ZNF75D: variants seen among roughly 807,000 people sequenced by gnomAD.
The protein encoded by ZNF75D is zinc finger protein 75D.
In ZNF75D, 33 loss-of-function variants were observed where a neutral mutation model predicts 33.3. The ratio of observed to expected loss-of-function variants is 0.99; its 90% CI spans 0.75 to 1.32. ZNF75D has a LOEUF of 1.32. Ranked by LOEUF, ZNF75D falls within the 40% of genes most tolerant of loss-of-function variation. The pLI is 0.00. For synonymous variants in ZNF75D, 113 were observed against 130.6 expected (o/e 0.87, Z 0.92); for missense variants, 338 against 367.5 (o/e 0.92, Z 0.66).
intron 1 of ZNF75D, chrX:135,296,904 G>A: frequency 8.9e-6 from 1 of 112,131 alleles, no homozygotes; most frequent in Admixed American, 9.4e-5. Flanking sequence ...ACTACATTAT[G>A]CTTTCCCTGG....
At chrX:135,326,525 C>T (rs1556437842) in intron 1 of ZNF75D, among the ~76,000 whole-genome samples, 1 of 112,029 alleles carries the variant, frequency 8.9e-6, no homozygotes, top group African/African-American at 3.2e-5. Context: ...GTGGGTGGGG[C>T]CAGATAAGAG....
chrX:135,317,080 G>C (rs1369816907), intron 1 of ZNF75D, among the ~76,000 whole-genome samples: 5 of 111,414 alleles, frequency 4.5e-5, no homozygotes, highest in Non-Finnish European at 9.4e-5. Flanking sequence ...CCTATCTGGT[G>C]TATCAGTCAC....
intron 1 of ZNF75D, among the ~76,000 whole-genome samples, chrX:135,337,864 C>T (rs1235319130): frequency 3.6e-5 from 4 of 110,734 alleles, no homozygotes; most frequent in Non-Finnish European, 7.6e-5. Flanking sequence ...GCAAAGGAGG[C>T]AGGGAAGGGT....
downstream of ZNF75D, among the ~76,000 whole-genome samples, chrX:135,282,651 T>G (rs1380439594): frequency 1.8e-5 from 2 of 111,740 alleles, no homozygotes; most frequent in African/African-American, 6.5e-5. Context: ...GTCTGTGGGT[T>G]GTGAATACCA....
chrX:135,265,392 T>G (rs782291413), intron 1 of ZNF75D, among the ~76,000 whole-genome samples: 2 of 110,966 alleles, frequency 1.8e-5, no homozygotes, highest in East Asian at 5.7e-4. Context: ...TAAAGAAGAC[T>G]ACCTCAAAGC....
intron 1 of ZNF75D, among the ~76,000 whole-genome samples, chrX:135,330,166 G>A (rs782427100): frequency 2.9e-4 from 33 of 112,041 alleles, no homozygotes; most frequent in Non-Finnish European, 4.9e-4. Flanking sequence ...ATGACAGAAT[G>A]AAAGAAATAG....
Position 135,342,067 on chromosome X carries a change from A to G in ZNF75D, c.-690T>C, listed in dbSNP as rs1556445021. The G allele has an allele frequency of 1.8e-5, 2 of 112,291 alleles. No homozygotes were observed. The highest frequency in any genetic ancestry group is 6.5e-5 in the African/African-American group (2 of 30,851). The allele number at this position is 112,291 out of a possible 1,213,427, so 9.3% of individuals were successfully genotyped here. On this transcript the variant is annotated 5_prime_UTR_variant, in exon 1 of 7. Transcript: ENST00000370766. Reference sequence around the variant, plus strand: ...TATCAATTTTCAAGCCCTACATCATAGTTTAGTTCACAGGGATCTTATCAC... The same window carrying G: ...TATCAATTTTCAAGCCCTACATCATGGTTTAGTTCACAGGGATCTTATCAC...
At chrX:135,301,881 T>C (rs1477156502) in intron 1 of ZNF75D, among the ~76,000 whole-genome samples, 1 of 112,382 alleles carries the variant, frequency 8.9e-6, no homozygotes, top group African/African-American at 3.2e-5. Flanking sequence ...TAGCAGAGGT[T>C]CTCCATGAGG....
intron 1 of ZNF75D, among the ~76,000 whole-genome samples, chrX:135,301,623 C>G (rs1556424724): frequency 8.9e-6 from 1 of 112,227 alleles, no homozygotes; most frequent in South Asian, 3.7e-4. Flanking sequence ...GTCATTAAAT[C>G]TTAAAGCTCT....
intron 2 of ZNF75D, among the ~76,000 whole-genome samples, chrX:135,294,977 G>A (rs782186090): frequency 1.2e-3 from 136 of 111,977 alleles, no homozygotes; most frequent in Non-Finnish European, 1.7e-3. Context: ...TACTTTAACT[G>A]GAAAAATTTA....
intron 1 of ZNF75D, among the ~76,000 whole-genome samples, chrX:135,263,348 G>T (rs2083850404): frequency 8.9e-6 from 1 of 112,764 alleles, no homozygotes; most frequent in Non-Finnish European, 1.9e-5. Context: ...GCTCTCCTCA[G>T]AGCTGTCAGA....
chrX:135,258,430 A>G (rs1206570970), intron 1 of ZNF75D, among the ~76,000 whole-genome samples: 1 of 110,837 alleles, frequency 9.0e-6, no homozygotes, highest in Non-Finnish European at 1.9e-5. Flanking sequence ...AAGTGTTCCT[A>G]TTTCTCCACA....
rs147342195 is a variant in ZNF75D at position 135,318,990 on chromosome X, A to T, written c.-391+22778T>A. On this transcript the variant is annotated intron_variant, in intron 1 of 6. Coordinates refer to ENST00000370766, the MANE Select transcript of ZNF75D (RefSeq NM_007131.5). ...ACAGACTGGTCATTCTGTCCAACAG[A>T]CTCCTTTTCTCTGAGACCTTCCAAC... is the stretch of plus-strand genomic sequence containing the variant. Among the ~76,000 whole-genome samples the T allele has an allele frequency of 4.0e-3, 447 of 110,606 alleles. 1 individual carries two copies. The highest frequency in any genetic ancestry group is 0.014 in the Middle Eastern group (3 of 215).
rs181810076 is a variant in ZNF75D, at chrX:135,331,099, C to T, written c.-391+10669G>A. ...TGAGTTGGGTGGGAGGTTTAGGATA[C>T]CTTTTTATTCTGATGCTCATGAGAG... On this transcript the variant is annotated intron_variant, in intron 1 of 6. Coordinates refer to ENST00000370766, the MANE Select transcript of ZNF75D (RefSeq NM_007131.5). Among the ~76,000 whole-genome samples, 214 of 111,400 alleles carry T rather than the reference C, an allele frequency of 1.9e-3. 1 individual carries two copies. The highest frequency in any genetic ancestry group is 0.018 in the Middle Eastern group (4 of 218).
In ZNF75D at chrX:135,286,005, T is replaced by C. The variant is rs782748924; in HGVS notation, c.*1132A>G. The C allele has an allele frequency of 1.1e-4, 12 of 112,197 alleles. No individual in the cohort carries two copies. In the South Asian group the frequency reaches 2.2e-3, roughly 21 times the overall value. 9.2% of individuals were successfully genotyped at this position (112,197 alleles called of 1,213,427 possible). ...CTTAAGAGATAGTCACTTTGGCTAA[T>C]AGGGAAAAGAAAACCAGTAACATCA... On this transcript the variant is annotated 3_prime_UTR_variant, in exon 7 of 7. Coordinates refer to ENST00000370766, the MANE Select transcript of ZNF75D (RefSeq NM_007131.5).
At chrX:135,258,504 G>T (rs1273067140) in intron 1 of ZNF75D, among the ~76,000 whole-genome samples, 1 of 111,483 alleles carries the variant, frequency 9.0e-6, no homozygotes, top group African/African-American at 3.3e-5. Flanking sequence ...GTGTGAGATG[G>T]TATCTCATGG....
chrX:135,336,881 A>G (rs2084718525), intron 1 of ZNF75D, among the ~76,000 whole-genome samples: 1 of 111,997 alleles, frequency 8.9e-6, no homozygotes, highest in Admixed American at 9.4e-5. Flanking sequence ...CTTTACATTC[A>G]ATCATTGGCC....
At chrX:135,258,146 C>A (rs2083816616) in intron 1 of ZNF75D, among the ~76,000 whole-genome samples, 1 of 98,873 alleles carries the variant, frequency 1.0e-5, no homozygotes, top group East Asian at 2.9e-4. Flanking sequence ...ATGAACTCAT[C>A]ATTTTTTATG....
At chrX:135,249,341 A>C (rs1360827748) in intron 3 of ZNF75D, 2 of 255,269 alleles carry the variant, frequency 7.8e-6, no homozygotes, top group African/African-American at 5.8e-5. Context: ...CTGAAGGAGA[A>C]GCATCAAGTA....
Sources: gnomAD v4.1 joint callset for allele counts (sites outside exome capture counted in the v4.1 genomes callset) on GRCh38, gnomAD v4.1.1 for gene constraint, MANE v1.5 for transcripts, NCBI Gene and HGNC (gene_info 2026-07-23, HGNC 2026-07-21) for gene names.